TMTC2: variants seen among roughly 807,000 people sequenced by gnomAD.
The protein encoded by TMTC2 is transmembrane O-mannosyltransferase targeting cadherins 2.
Under a neutral mutation model 82.4 loss-of-function variants are expected in TMTC2, and 43 were observed. The ratio of observed to expected loss-of-function variants is 0.52; its 90% confidence interval spans 0.41 to 0.67. The LOEUF is 0.67. TMTC2 is among the 30% of genes least tolerant of loss of function. The pLI is 0.00. For synonymous variants in TMTC2, 408 were observed against 381.9 expected (o/e 1.07, Z -0.80); for missense variants, 919 against 1,012.4 (o/e 0.91, Z 1.25).
At chr12:82,990,235 G>A (rs1416326728) in intron 8 of TMTC2, among the ~76,000 whole-genome samples, 1 of 152,136 alleles carries the variant, frequency 6.6e-6, no homozygotes, top group South Asian at 2.1e-4. Context: ...AACTATATTA[G>A]ACTTAGACTG....
chr12:83,099,048 G>A (rs1272509966), intron 11 of TMTC2, among the ~76,000 whole-genome samples: 1 of 152,146 alleles, frequency 6.6e-6, no homozygotes, highest in African/African-American at 2.4e-5. Context: ...GAGAGAAAGA[G>A]ATATCCATTT....
At chr12:82,706,829 G>A (rs977773619) in intron 1 of TMTC2, among the ~76,000 whole-genome samples, 1 of 152,098 alleles carries the variant, frequency 6.6e-6, no homozygotes, top group Admixed American at 6.6e-5. Flanking sequence ...GATCACTTTT[G>A]GGTGAAGGGA....
chr12:82,740,377 T>C (rs1875336540), intron 1 of TMTC2, among the ~76,000 whole-genome samples: 1 of 152,224 alleles, frequency 6.6e-6, no homozygotes, highest in Admixed American at 6.5e-5. Context: ...AATCCCTGCC[T>C]CTTGGAACAG....
At chr12:82,876,828 G>A (rs7306377) in intron 2 of TMTC2, among the ~76,000 whole-genome samples, 4,151 of 152,158 alleles carry the variant, frequency 0.027, 189 homozygotes, top group African/African-American at 0.095. Flanking sequence ...TGCGACCTGG[G>A]AATCCTCATT....
rs538775894 is a variant in TMTC2, at chr12:83,050,300, C to T, written c.2153-604C>T. On this transcript the variant is annotated intron_variant, in intron 9 of 11. Transcript: ENST00000321196. ...GGGCCTAACTTTTGTTTTCTTTACC[C>T]TCACAATATGTTTCTGGGATAGCAT... Among the ~76,000 whole-genome samples the T allele has an allele frequency of 4.8e-4, 72 of 150,992 alleles. 1 individual carries two copies. Among genetic ancestry groups the T allele is most frequent in the African/African-American group, 1.4e-3 (56 of 41,220 alleles).
intron 3 of TMTC2, among the ~76,000 whole-genome samples, chr12:82,900,709 TGGAATATATATATATA>T (rs1873944774): frequency 7.1e-6 from 1 of 140,154 alleles, no homozygotes; most frequent in South Asian, 2.2e-4. Flanking sequence ...TATATATCTC[TGGAATATATATATATA>T]GGAATATATA....
intron 4 of TMTC2, among the ~76,000 whole-genome samples, chr12:82,931,409 A>G (rs1335983691): frequency 6.6e-6 from 1 of 152,152 alleles, no homozygotes; most frequent in African/African-American, 2.4e-5. Context: ...AAAAATCCCT[A>G]GGGGAAAAAC....
At chr12:82,694,539 G>A (rs548272206) in intron 1 of TMTC2, among the ~76,000 whole-genome samples, 4 of 152,204 alleles carry the variant, frequency 2.6e-5, no homozygotes, top group East Asian at 3.9e-4. Context: ...TTTCTTTGCC[G>A]GGGCATTTTG....
chr12:82,861,514 A>G (rs954644082), intron 2 of TMTC2, among the ~76,000 whole-genome samples: 1 of 152,256 alleles, frequency 6.6e-6, no homozygotes, highest in Non-Finnish European at 1.5e-5. Flanking sequence ...TTGCAAAGGA[A>G]ATATGAAAGT....
chr12:82,965,897 T>C (rs1878185034), intron 6 of TMTC2, 153 bp downstream of exon 6: 1 of 735,362 alleles, frequency 1.4e-6, no homozygotes, highest in East Asian at 2.7e-5. Flanking sequence ...TAATACATGA[T>C]GACATTGGAA....
intron 6 of TMTC2, 103 bp from the exon 7 acceptor site, chr12:82,966,816 C>G: frequency 1.4e-6 from 1 of 721,706 alleles, no homozygotes; most frequent in East Asian, 2.8e-5. Flanking sequence ...TTAGAAATAG[C>G]AGTGGATGGT....
intron 1 of TMTC2, among the ~76,000 whole-genome samples, chr12:82,784,905 T>C (rs1337778208): frequency 6.6e-6 from 1 of 152,060 alleles, no homozygotes; most frequent in East Asian, 1.9e-4. Flanking sequence ...TTTGTTTTTG[T>C]TTGTTTGGTT....
chr12:82,951,755 A>ATGCAAAAATCACATAGAAT (rs1877360483), intron 4 of TMTC2, among the ~76,000 whole-genome samples: 1 of 152,230 alleles, frequency 6.6e-6, no homozygotes, highest in Non-Finnish European at 1.5e-5. Context: ...CAAGTGTGTT[A>ATGCAAAAATCACATAGAAT]AGCATTTTTC....
chr12:82,994,833 T>A (rs1326086866), intron 8 of TMTC2, among the ~76,000 whole-genome samples: 2 of 152,324 alleles, frequency 1.3e-5, no homozygotes, highest in East Asian at 3.9e-4. Context: ...AAATCGTTTT[T>A]GTTTCAGAAA....
chr12:82,926,072 C>T (rs71450912), intron 3 of TMTC2, among the ~76,000 whole-genome samples: 1 of 151,660 alleles, frequency 6.6e-6, no homozygotes, highest in Admixed American at 6.6e-5. Context: ...ACCACTGCCT[C>T]CCGGGTTCAA....
At chr12:82,960,660 A>G (rs903385159) in intron 4 of TMTC2, among the ~76,000 whole-genome samples, 1 of 151,904 alleles carries the variant, frequency 6.6e-6, no homozygotes, top group Non-Finnish European at 1.5e-5. Flanking sequence ...AAGGGGAGCA[A>G]TGGTTGAAAA....
chr12:82,810,579 A>G (rs920488068), intron 1 of TMTC2, among the ~76,000 whole-genome samples: 1 of 152,074 alleles, frequency 6.6e-6, no homozygotes, highest in Non-Finnish European at 1.5e-5. Context: ...CAAGGTTTTT[A>G]TAAAACAGAA....
rs1879384053 is a variant in TMTC2, at chr12:82,809,299, CTTGCA to C, written c.84-47704_84-47700del. On this transcript the variant is annotated intron_variant, in intron 1 of 11. Transcript: ENST00000321196. ...TTTTAACAGAGAAAAATCTACAGAT[CTTGCA>C]TTGCATGTGATTATAACCTGGTTGG... Among the ~76,000 whole-genome samples the C allele has an allele frequency of 2.0e-5, 3 of 151,858 alleles. No homozygotes were observed. The South Asian group carries it at 6.2e-4, about 31-fold the overall frequency.
At chr12:82,835,661 T>C (rs1250231737) in intron 1 of TMTC2, among the ~76,000 whole-genome samples, 1 of 152,206 alleles carries the variant, frequency 6.6e-6, no homozygotes, top group Non-Finnish European at 1.5e-5. Flanking sequence ...GATTTTTATT[T>C]ACCTGATTAT....
Sources: gnomAD v4.1 joint callset for allele counts (sites outside exome capture counted in the v4.1 genomes callset) on GRCh38, gnomAD v4.1.1 for gene constraint, MANE v1.5 for transcripts, NCBI Gene and HGNC (gene_info 2026-07-23, HGNC 2026-07-21) for gene names.